MXI1: variants seen among roughly 807,000 people sequenced by gnomAD.
The protein encoded by MXI1 is MAX interactor 1, dimerization protein, also known as max-interacting protein 1.
MXI1 carries 18 observed loss-of-function variants against 36.9 expected under a neutral mutation model. The observed-to-expected ratio is 0.49, with a 90% CI of 0.34 to 0.72. The LOEUF (loss-of-function observed/expected upper bound fraction) is 0.72. Among genes scored for constraint, MXI1 ranks in the 30% least tolerant of loss-of-function variants. MXI1 has a pLI of 0.01. For synonymous variants in MXI1, 160 were observed against 146.7 expected (o/e 1.09, Z -0.65); for missense variants, 304 against 379.1 (o/e 0.80, Z 1.64).
chr10:110,258,360 G>T (rs1267682659), intron 3 of MXI1, among the ~76,000 whole-genome samples: 1 of 152,038 alleles, frequency 6.6e-6, no homozygotes, highest in Non-Finnish European at 1.5e-5. Flanking sequence ...ATTATAGAGG[G>T]TTACTGTAGA....
chr10:110,257,725 A>G (rs1260561598), intron 3 of MXI1: 3 of 213,506 alleles, frequency 1.4e-5, no homozygotes, highest in South Asian at 1.7e-4. Flanking sequence ...TAAGCCAAAG[A>G]GAAAGGTTTC....
At chr10:110,253,918 T>C (rs1489046401) in intron 3 of MXI1, among the ~76,000 whole-genome samples, 1 of 152,028 alleles carries the variant, frequency 6.6e-6, no homozygotes, top group Non-Finnish European at 1.5e-5. Context: ...ACTGAATCCT[T>C]TCTCCCTAAG....
intron 3 of MXI1, among the ~76,000 whole-genome samples, chr10:110,277,356 TATATG>T (rs1469549216): frequency 6.6e-6 from 1 of 152,188 alleles, no homozygotes; most frequent in Non-Finnish European, 1.5e-5. Flanking sequence ...CCAGTCATAT[TATATG>T]AGTGCAGTTG....
chr10:110,253,586 T>C (rs1358077830), intron 3 of MXI1, among the ~76,000 whole-genome samples: 1 of 152,164 alleles, frequency 6.6e-6, no homozygotes, highest in African/African-American at 2.4e-5. Context: ...GACAGAACTT[T>C]CTTTAAAACT....
chr10:110,264,444 C>T (rs1856619693), intron 3 of MXI1, among the ~76,000 whole-genome samples: 1 of 150,800 alleles, frequency 6.6e-6, no homozygotes, highest in Non-Finnish European at 1.5e-5. Context: ...TGGCTCACTG[C>T]AACTTCCGCC....
intron 5 of MXI1, among the ~76,000 whole-genome samples, chr10:110,283,062 G>A (rs1048462945): frequency 6.6e-6 from 1 of 152,128 alleles, no homozygotes; most frequent in African/African-American, 2.4e-5. Flanking sequence ...GGTTGGATGA[G>A]TGTTCAGTGG....
intron 3 of MXI1, among the ~76,000 whole-genome samples, chr10:110,262,621 AC>A (rs1286303524): frequency 6.6e-6 from 1 of 152,108 alleles, no homozygotes; most frequent in Non-Finnish European, 1.5e-5. Flanking sequence ...CACTTAGTTT[AC>A]AGTACTTTAA....
chr10:110,278,467 C>T (rs1231970466), intron 3 of MXI1, among the ~76,000 whole-genome samples: 1 of 152,012 alleles, frequency 6.6e-6, no homozygotes, highest in East Asian at 1.9e-4. Flanking sequence ...AGATAGGAAG[C>T]AGGGGATTAT....
intron 2 of MXI1, among the ~76,000 whole-genome samples, chr10:110,232,417 A>G (rs943058590): frequency 2.6e-5 from 4 of 152,146 alleles, no homozygotes; most frequent in African/African-American, 9.7e-5. Flanking sequence ...CAGCTCAATC[A>G]TAAGTTCCTC....
At chr10:110,261,436 T>A (rs2134430938) in intron 3 of MXI1, among the ~76,000 whole-genome samples, 1 of 151,950 alleles carries the variant, frequency 6.6e-6, no homozygotes, top group African/African-American at 2.4e-5. Flanking sequence ...ACCATTTTTT[T>A]TTTTTTTTTA....
At chr10:110,283,756 ATATC>A (rs1241069691) in intron 5 of MXI1, among the ~76,000 whole-genome samples, 17 of 151,826 alleles carry the variant, frequency 1.1e-4, no homozygotes, top group Non-Finnish European at 2.2e-4. Flanking sequence ...TGATGATTGA[ATATC>A]TAGTATTTAA....
At chr10:110,233,410 A>G (rs1303520261) in intron 2 of MXI1, among the ~76,000 whole-genome samples, 1 of 152,072 alleles carries the variant, frequency 6.6e-6, no homozygotes, top group African/African-American at 2.4e-5. Flanking sequence ...TTTTTCCAGT[A>G]GTAATTTGAG....
chr10:110,264,515 G>A (rs1403409504), intron 3 of MXI1, among the ~76,000 whole-genome samples: 1 of 151,420 alleles, frequency 6.6e-6, no homozygotes, highest in Non-Finnish European at 1.5e-5. Flanking sequence ...ACAGGCACCC[G>A]CCACCACACC....
chr10:110,269,704 G>A (rs1181061327), intron 3 of MXI1, among the ~76,000 whole-genome samples: 2 of 152,198 alleles, frequency 1.3e-5, no homozygotes, highest in African/African-American at 2.4e-5. Flanking sequence ...TAGGAAGTTT[G>A]TTTTGGTTTC....
At chr10:110,224,345 C>G (rs1245764858) in intron 1 of MXI1, among the ~76,000 whole-genome samples, 1 of 152,202 alleles carries the variant, frequency 6.6e-6, no homozygotes, top group African/African-American at 2.4e-5. Context: ...TTGTTCCCAA[C>G]TGGGGGACAG....
At chr10:110,274,995 C>T (rs568713934) in intron 3 of MXI1, among the ~76,000 whole-genome samples, 5 of 151,506 alleles carry the variant, frequency 3.3e-5, no homozygotes, top group African/African-American at 7.3e-5. Context: ...CTGCCTCAGC[C>T]GACAGAGTAG....
intron 2 of MXI1, among the ~76,000 whole-genome samples, chr10:110,240,394 G>A (rs543734612): frequency 6.6e-6 from 1 of 152,178 alleles, no homozygotes; most frequent in East Asian, 1.9e-4. Flanking sequence ...GATACTTGAT[G>A]TTCGTGGGCT....
At chr10:110,272,271 A>G (rs920148490) in intron 3 of MXI1, among the ~76,000 whole-genome samples, 3 of 152,236 alleles carry the variant, frequency 2.0e-5, no homozygotes, top group African/African-American at 4.8e-5. Flanking sequence ...GTATAATGCA[A>G]ATATTCCAAA....
intron 3 of MXI1, among the ~76,000 whole-genome samples, chr10:110,276,151 T>A (rs945307063): frequency 6.6e-6 from 1 of 152,250 alleles, no homozygotes; most frequent in Non-Finnish European, 1.5e-5. Context: ...TAAGGCATTT[T>A]AAATTTTATG....
Sources: allele counts gnomAD v4.1 joint callset (sites outside exome capture counted in the v4.1 genomes callset), GRCh38; gene constraint gnomAD v4.1.1; transcripts MANE v1.5; gene names NCBI Gene and HGNC (gene_info 2026-07-23, HGNC 2026-07-21).